TIAM1: variants seen among roughly 807,000 people sequenced by gnomAD.
TIAM1 encodes the protein TIAM Rac1 associated GEF 1, also known as rho guanine nucleotide exchange factor TIAM1.
In TIAM1, 65 loss-of-function variants were observed where a neutral mutation model predicts 163.5. The ratio of observed to expected loss-of-function variants is 0.40; its 90% CI spans 0.33 to 0.49. The LOEUF (loss-of-function observed/expected upper bound fraction) is 0.49. TIAM1 is among the 20% of genes least tolerant of loss of function. The pLI is 0.77. For missense variants in TIAM1, 1,789 were observed against 2,044.7 expected (o/e 0.87, Z 2.41); for synonymous variants, 833 against 810.1 (o/e 1.03, Z -0.48).
intron 9 of TIAM1, among the ~76,000 whole-genome samples, chr21:31,214,041 T>C (rs563873573): frequency 1.3e-5 from 2 of 150,282 alleles, no homozygotes; most frequent in South Asian, 2.1e-4. Context: ...AGAAAGACAA[T>C]AGGTTAGGCG....
chr21:31,160,746 C>T (rs2083874717), intron 16 of TIAM1: 1 of 373,350 alleles, frequency 2.7e-6, no homozygotes, highest in Non-Finnish European at 4.7e-6. Context: ...CGGAGCTGCA[C>T]TCGCTTCCCA....
At position 31,244,018 on chromosome 21, in the gene TIAM1, G is replaced by A. The variant is rs190731857; in HGVS notation, c.1584+1470C>T. ...TGGGGTTGGGGAAGGTGGCTTAGGT[G>A]CCTGAAACTTCTATTTCTTGTCCTG... On this transcript the variant is annotated intron_variant, in intron 6 of 27. Coordinates refer to ENST00000541036, the MANE Select transcript of TIAM1 (RefSeq NM_001353694.2). 1.3e-3 allele frequency among the ~76,000 whole-genome samples: 204 copies of A among 152,254 alleles called. 1 individual carries two copies. Among genetic ancestry groups the A allele is most frequent in the African/African-American group, 4.7e-3 (195 of 41,550 alleles).
At chr21:31,553,332 C>T (rs2048757909) in intron 1 of TIAM1, among the ~76,000 whole-genome samples, 1 of 152,148 alleles carries the variant, frequency 6.6e-6, no homozygotes, top group Non-Finnish European at 1.5e-5. Flanking sequence ...TTATCACTTT[C>T]CAAAGATATC....
At chr21:31,169,139 C>T (rs1341588625) in intron 15 of TIAM1, among the ~76,000 whole-genome samples, 1 of 151,880 alleles carries the variant, frequency 6.6e-6, no homozygotes, top group Non-Finnish European at 1.5e-5. Context: ...ACTAAAAATA[C>T]AAAAATTAGC....
At chr21:31,167,428 G>A (rs1369131121) in intron 15 of TIAM1, among the ~76,000 whole-genome samples, 1 of 152,088 alleles carries the variant, frequency 6.6e-6, no homozygotes, top group Admixed American at 6.6e-5. Flanking sequence ...GTTTCCTGAA[G>A]AGCAAACAAA....
rs58560437 is a variant in TIAM1, at chr21:31,315,679, C to CAAAAAAAAAAAAAAAAA, written c.-189+23547_-189+23563dup. ...GGGCAACAAGAGCAAAACTCCATCT[C>CAAAAAAAAAAAAAAAAA]AAAAAAAAAAAAAAAAAAAAGGACA... On this transcript the variant is annotated intron_variant, in intron 2 of 27. Coordinates refer to ENST00000541036, the MANE Select transcript of TIAM1 (RefSeq NM_001353694.2). Among the ~76,000 whole-genome samples the CAAAAAAAAAAAAAAAAA allele has an allele frequency of 2.3e-3, 187 of 80,232 alleles. 4 individuals are homozygous for CAAAAAAAAAAAAAAAAA. The highest frequency in any genetic ancestry group is 3.2e-3 in the African/African-American group (72 of 22,364). The allele number at this position is 80,232 out of a possible 152,430, so 52.6% of individuals were successfully genotyped here.
chr21:31,365,171 C>T (rs1226348942), intron 2 of TIAM1, among the ~76,000 whole-genome samples: 3 of 152,136 alleles, frequency 2.0e-5, no homozygotes, highest in South Asian at 2.1e-4. Context: ...TCTCCAAACA[C>T]GCCAGTCACT....
At position 31,210,097 on chromosome 21, in the gene TIAM1, G is replaced by A. The variant is rs61734754; in HGVS notation, c.2336C>T (p.Thr779Met). 6.8e-5 allele frequency: 110 copies of A among 1,614,150 alleles called. No individual in the cohort carries two copies. The African/African-American group carries it at 7.9e-4, about 12-fold the overall frequency. ...TGCAGTGTCGCCTGGCCGGACGACC[G>A]TCAGGGCAGGCTGATTATTGGGCAG... ...FCLPNNQPAL[T>M]VVRPGDTARD... The change falls in exon 11 of 28, where the codon ACG (threonine) becomes ATG (methionine). Residue 779 changes from threonine (T) to methionine (M), a missense_variant. Physicochemically the swap from Thr to Met is moderately conservative, Grantham distance 81 (BLOSUM62 -1). Around this residue, in one of 5 missense-constraint regions of TIAM1, gnomAD observed 456 missense variants for 586.6 expected, o/e 0.78. Coordinates refer to ENST00000541036, the MANE Select transcript of TIAM1 (RefSeq NM_001353694.2).
At chr21:31,441,729 C>G (rs556001350) in intron 2 of TIAM1, among the ~76,000 whole-genome samples, 2 of 152,040 alleles carry the variant, frequency 1.3e-5, no homozygotes, top group South Asian at 4.2e-4. Context: ...AAAATTGACA[C>G]TTGTTAAAAG....
chr21:31,236,519 C>G (rs1327877262), intron 6 of TIAM1, among the ~76,000 whole-genome samples: 1 of 151,516 alleles, frequency 6.6e-6, no homozygotes, highest in Non-Finnish European at 1.5e-5. Flanking sequence ...ATATAAACAC[C>G]AGGGAAGATC....
chr21:31,406,334 C>G (rs2077247166), intron 2 of TIAM1, among the ~76,000 whole-genome samples: 1 of 152,094 alleles, frequency 6.6e-6, no homozygotes, highest in Non-Finnish European at 1.5e-5. Context: ...CTAAAGAGGT[C>G]AAATCCCTTT....
intron 8 of TIAM1, 46 bp downstream of exon 8, chr21:31,223,360 A>T: frequency 1.9e-6 from 3 of 1,553,006 alleles, no homozygotes; most frequent in Non-Finnish European, 2.6e-6. Flanking sequence ...CTCAGGATTA[A>T]GCGTCAAGCT....
At chr21:31,272,956 G>GT (rs2073129017) in intron 3 of TIAM1, among the ~76,000 whole-genome samples, 2 of 151,798 alleles carry the variant, frequency 1.3e-5, no homozygotes, top group Admixed American at 1.3e-4. Flanking sequence ...TAATAAACTA[G>GT]TGAAAAAAAA....
At chr21:31,548,169 C>A (rs1001617640) in intron 1 of TIAM1, among the ~76,000 whole-genome samples, 65 of 139,844 alleles carry the variant, frequency 4.6e-4, no homozygotes, top group Non-Finnish European at 2.0e-4. Context: ...TGAGAGAGTC[C>A]CGCTGTGTCA....
intron 1 of TIAM1, among the ~76,000 whole-genome samples, chr21:31,557,494 G>C (rs564555250): frequency 1.3e-5 from 2 of 152,310 alleles, no homozygotes; most frequent in African/African-American, 4.8e-5. Context: ...TGAGACACAG[G>C]AAGATAGAAT....
In TIAM1 at chr21:31,535,380, CAAAAAAAAAAAA is replaced by C. The variant is rs59742048; in HGVS notation, c.-422+23535_-422+23546del. ...TGGGCGACAGAGGAAGGCTCCATCTCAAAAAAAAAAAAAAAAAAAAAAAAAAAAAAGTTTATC... is the reference window on the plus strand; with the variant it reads ...TGGGCGACAGAGGAAGGCTCCATCTCAAAAAAAAAAAAAAAAAAGTTTATC... On this transcript the variant is annotated intron_variant, in intron 1 of 28. Coordinates refer to the TIAM1 transcript ENST00000286827. Among the ~76,000 whole-genome samples the C allele has an allele frequency of 4.6e-3, 252 of 54,306 alleles. 2 individuals are homozygous for C. The highest frequency in any genetic ancestry group is 0.016 in the African/African-American group (223 of 13,856). The allele number at this position is 54,306 out of a possible 152,430, so 35.6% of individuals were successfully genotyped here. A position where few individuals can be genotyped will look rare whatever the true frequency, so the allele number is the denominator to read the frequency against.
Position 31,416,708 on chromosome 21 carries a change from C to T in TIAM1, c.-369+47275G>A, listed in dbSNP as rs1244935093. On this transcript the variant is annotated intron_variant, in intron 2 of 28. Coordinates refer to the TIAM1 transcript ENST00000286827. Reference sequence around the variant, plus strand: ...ATATGCCACATTTTCTTTATCTACTCATTGGCTAATGTGCACACAAAGTGA... The same window carrying T: ...ATATGCCACATTTTCTTTATCTACTTATTGGCTAATGTGCACACAAAGTGA... 1.2e-4 allele frequency among the ~76,000 whole-genome samples: 18 copies of T among 152,210 alleles called. 1 individual carries two copies. The highest frequency in any genetic ancestry group is 1.5e-5 in the Non-Finnish European group (1 of 68,046).
chr21:31,496,415 A>G (rs900843888), intron 1 of TIAM1, among the ~76,000 whole-genome samples: 3 of 146,544 alleles, frequency 2.0e-5, no homozygotes, highest in Non-Finnish European at 4.5e-5. Context: ...GTTTGCAGTG[A>G]GCCAAGATTG....
At chr21:31,267,064 G>A in intron 3 of TIAM1, 81 bp from the exon 4 acceptor site, 2 of 1,497,882 alleles carry the variant, frequency 1.3e-6, no homozygotes, top group East Asian at 4.6e-5. Flanking sequence ...CGCTCAGCCT[G>A]CAGGGAGGGC....
Sources: allele counts gnomAD v4.1 joint callset (sites outside exome capture counted in the v4.1 genomes callset), GRCh38; gene constraint gnomAD v4.1.1; regional missense constraint gnomAD v4.1.1; transcripts MANE v1.5; gene names NCBI Gene and HGNC (gene_info 2026-07-23, HGNC 2026-07-21).